The following PMF1 variants were observed in gnomAD, a reference collection of about 807,000 sequenced individuals.
PMF1 encodes the protein polyamine modulated factor 1, also known as polyamine-modulated factor 1.
A neutral mutation model predicts 26.7 loss-of-function variants in PMF1; 21 were observed. The ratio of observed to expected loss-of-function variants is 0.79; its 90% CI spans 0.56 to 1.13. The LOEUF (loss-of-function observed/expected upper bound fraction) is 1.13. Ranked by LOEUF, PMF1 falls within the 50% of genes most tolerant of loss-of-function variation. PMF1 has a pLI of 0.00. For synonymous variants in PMF1, 105 were observed against 101.0 expected, an observed-to-expected ratio of 1.04 and a Z score of -0.24; for missense variants, 266 against 254.9, an observed-to-expected ratio of 1.04 and a Z score of -0.30.
intron 1 of PMF1, 90 bp downstream of exon 1, chr1:156,213,266 G>T (rs954847311): frequency 9.7e-6 from 15 of 1,548,004 alleles, no homozygotes; most frequent in African/African-American, 5.5e-5. Context: ...GGCGCGCGGT[G>T]ACGTGGGTCC....
chr1:156,236,229 C>A, intron 3 of PMF1, 59 bp from the exon 4 acceptor site: 2 of 1,553,530 alleles, frequency 1.3e-6, no homozygotes, highest in Non-Finnish European at 1.7e-6. Flanking sequence ...GGAAGCTGAA[C>A]CTTCTTCCAC....
intron 1 of PMF1, among the ~76,000 whole-genome samples, chr1:156,214,877 T>TATTATA (rs1657605728): frequency 6.7e-6 from 1 of 150,178 alleles, no homozygotes; most frequent in Admixed American, 6.6e-5. Context: ...TTATTATTAT[T>TATTATA]ATTATTATTT....
chr1:156,218,148 T>G (rs556806955), intron 1 of PMF1, among the ~76,000 whole-genome samples: 1 of 152,244 alleles, frequency 6.6e-6, no homozygotes, highest in Non-Finnish European at 1.5e-5. Flanking sequence ...ATGTACTTAG[T>G]CATTTTGGCT....
At chr1:156,229,059 C>T (rs1028433815) in intron 1 of PMF1, among the ~76,000 whole-genome samples, 2 of 152,006 alleles carry the variant, frequency 1.3e-5, no homozygotes, top group East Asian at 3.9e-4. Flanking sequence ...CAGGCATGTG[C>T]CACCACGCCC....
intron 1 of PMF1, among the ~76,000 whole-genome samples, chr1:156,216,834 C>T (rs1377163154): frequency 6.6e-5 from 10 of 151,818 alleles, no homozygotes; most frequent in African/African-American, 1.2e-4. Context: ...ACTCGCTGGC[C>T]GGCCGGCCCG....
chr1:156,213,272 G>A lies in PMF1; in HGVS notation c.161+96G>A, dbSNP rs61198165. The A allele has an allele frequency of 5.7e-4, 871 of 1,532,270 alleles. 10 individuals are homozygous for A. In the East Asian group the frequency reaches 0.018, roughly 31 times the overall value. The allele number at this position is 1,532,270 out of a possible 1,614,324, so 94.9% of individuals were successfully genotyped here. A position where few individuals can be genotyped will look rare whatever the true frequency, so the allele number is the denominator to read the frequency against. ...CCGCAGGCTGGCGCGCGGTGACGTG[G>A]GTCCGCGTTGGGGGCGGGGCAGTCG... On this transcript the variant is annotated intron_variant, in intron 1 of 4. Transcript: ENST00000368277.
chr1:156,213,138 G>A lies in PMF1; in HGVS notation c.123G>A (p.Met41Ile). ...TISRVKLLDT[M>I]VDTFLQKLVA... is the part of the protein sequence containing the mutation. ...CGAGGGTGAAGCTCCTCGACACCAT[G>A]GTGGACACTTTTCTTCAGAAGCTGG... Residue 41 changes from methionine (M) to isoleucine (I), a missense_variant, in exon 1 of 5, where the codon ATG becomes ATA. Physicochemically the swap from Met to Ile is conservative, Grantham distance 10 (BLOSUM62 1). Transcript: ENST00000368277. 4 of 1,614,166 alleles carry A rather than the reference G, an allele frequency of 2.5e-6. No homozygotes were observed. The highest frequency in any genetic ancestry group is 3.4e-6 in the Non-Finnish European group (4 of 1,179,984).
rs115463580 is a variant in PMF1, at chr1:156,233,492, G to A, written c.268-136G>A. ...AATTATAAAAGCCACATGTAGAAAA[G>A]TTGGAATGTCAGGGAAAGCATAAAG... is the stretch of plus-strand genomic sequence containing the variant. On this transcript the variant is annotated intron_variant, in intron 2 of 4. Coordinates refer to ENST00000368277, the MANE Select transcript of PMF1 (RefSeq NM_007221.4). The A allele has an allele frequency of 1.1e-3, 901 of 811,768 alleles. 6 individuals are homozygous for A. In the African/African-American group the frequency reaches 0.014, roughly 13 times the overall value. 50.3% of individuals were successfully genotyped at this position (811,768 alleles called of 1,614,324 possible).
At chr1:156,221,649 T>G (rs540064216) in intron 1 of PMF1, among the ~76,000 whole-genome samples, 1 of 152,218 alleles carries the variant, frequency 6.6e-6, no homozygotes, top group South Asian at 2.1e-4. Flanking sequence ...ATATCTCCCC[T>G]GAGTTTCAGA....
chr1:156,217,971 C>A (rs146662365), intron 1 of PMF1, among the ~76,000 whole-genome samples: 109 of 152,354 alleles, frequency 7.2e-4, no homozygotes, highest in Admixed American at 7.2e-4. Flanking sequence ...TTTACACCTA[C>A]CTCTGTTCCA....
chr1:156,216,388 C>G (rs2103073838), intron 1 of PMF1, among the ~76,000 whole-genome samples: 1 of 152,124 alleles, frequency 6.6e-6, no homozygotes. Context: ...GAGACTCTAT[C>G]TCAAAAAAAT....
At chr1:156,226,192 G>A (rs967137459) in intron 1 of PMF1, among the ~76,000 whole-genome samples, 4 of 152,132 alleles carry the variant, frequency 2.6e-5, no homozygotes, top group Admixed American at 6.5e-5. Context: ...TTTTTGTGAA[G>A]ACAGGGTCTC....
intron 3 of PMF1, among the ~76,000 whole-genome samples, chr1:156,234,155 C>T (rs555818127): frequency 2.0e-5 from 3 of 152,298 alleles, no homozygotes; most frequent in African/African-American, 7.2e-5. Context: ...GAGAGAGAAC[C>T]TTTTGACAGG....
At chr1:156,233,027 C>G (rs1037616506) in intron 2 of PMF1, among the ~76,000 whole-genome samples, 11 of 151,220 alleles carry the variant, frequency 7.3e-5, no homozygotes, top group African/African-American at 2.4e-4. Flanking sequence ...TGAAGCAATC[C>G]TCCTACCTCA....
At chr1:156,213,296 C>T in intron 1 of PMF1, 120 bp downstream of exon 1, 2 of 1,414,260 alleles carry the variant, frequency 1.4e-6, no homozygotes, top group South Asian at 1.3e-5. Flanking sequence ...GCGGGGCAGT[C>T]GGACGAGGCG....
At chr1:156,235,630 A>G (rs1658969511) in intron 3 of PMF1, among the ~76,000 whole-genome samples, 1 of 151,334 alleles carries the variant, frequency 6.6e-6, no homozygotes, top group Non-Finnish European at 1.5e-5. Context: ...TCTAGTAGAG[A>G]TGGGGTTTCA....
intron 1 of PMF1, among the ~76,000 whole-genome samples, chr1:156,216,642 C>T (rs1397388075): frequency 5.3e-5 from 8 of 151,672 alleles, no homozygotes; most frequent in Non-Finnish European, 1.2e-4. Flanking sequence ...CTGACCCACC[C>T]GGGGGCGGCG....
At chr1:156,237,851 G>A (rs1242801635) in intron 4 of PMF1, among the ~76,000 whole-genome samples, 4 of 152,040 alleles carry the variant, frequency 2.6e-5, no homozygotes, top group Admixed American at 6.6e-5. Flanking sequence ...CCGCTTCCTG[G>A]GTTCAAGTGA....
chr1:156,233,365 C>T (rs958463807), intron 2 of PMF1, among the ~76,000 whole-genome samples: 24 of 151,364 alleles, frequency 1.6e-4, no homozygotes, highest in African/African-American at 5.8e-4. Flanking sequence ...ACCGTGTTAC[C>T]AGGCTGGTCT....
Sources: allele counts gnomAD v4.1 joint callset (sites outside exome capture counted in the v4.1 genomes callset), GRCh38; gene constraint gnomAD v4.1.1; transcripts MANE v1.5; gene names NCBI Gene and HGNC (gene_info 2026-07-23, HGNC 2026-07-21).